The following ERGIC1 variants were observed in gnomAD, a reference collection of about 807,000 sequenced individuals.
ERGIC1 encodes the protein endoplasmic reticulum-Golgi intermediate compartment protein 1.
In ERGIC1, 19 loss-of-function variants were observed where a neutral mutation model predicts 38.3. The ratio of observed to expected loss-of-function variants is 0.50; its 90% CI spans 0.35 to 0.73. ERGIC1 has a LOEUF of 0.73. Among genes scored for constraint, ERGIC1 ranks in the 30% least tolerant of loss-of-function variants. The pLI, the probability that ERGIC1 is intolerant of heterozygous loss-of-function variation, is 0.01. For missense variants in ERGIC1, 294 were observed against 389.2 expected, an observed-to-expected ratio of 0.76 and a Z score of 2.06; for synonymous variants, 124 against 157.6, an observed-to-expected ratio of 0.79 and a Z score of 1.60.
intron 2 of ERGIC1, among the ~76,000 whole-genome samples, chr5:172,893,905 A>ATATATT: frequency 6.4e-5 from 1 of 15,544 alleles, no homozygotes; most frequent in Admixed American, 1.4e-3. Context: ...ATATATATAT[A>ATATATT]TGTGTGTGTG....
intron 1 of ERGIC1, among the ~76,000 whole-genome samples, chr5:172,838,566 C>T (rs1319189498): frequency 1.3e-5 from 2 of 152,160 alleles, no homozygotes; most frequent in Admixed American, 1.3e-4. Context: ...AAATGGGTCT[C>T]ATTGCTCTAA....
intron 1 of ERGIC1, among the ~76,000 whole-genome samples, chr5:172,838,449 C>T (rs1339846279): frequency 6.6e-6 from 1 of 152,146 alleles, no homozygotes; most frequent in Admixed American, 6.5e-5. Context: ...TTCACTCTGG[C>T]CTTCTGAGTG....
intron 1 of ERGIC1, among the ~76,000 whole-genome samples, chr5:172,888,326 G>T (rs896639310): frequency 1.4e-4 from 21 of 152,150 alleles, no homozygotes; most frequent in Non-Finnish European, 8.8e-5. Context: ...CAGGCATGGT[G>T]GCACATGCCC....
chr5:172,951,870 T>C lies in ERGIC1; in HGVS notation c.*1054T>C, dbSNP rs1287809294. The C allele has an allele frequency of 6.6e-6, 1 of 152,348 alleles. No individual in the cohort carries two copies. The highest frequency in any genetic ancestry group is 1.5e-5 in the Non-Finnish European group (1 of 68,132). 9.4% of individuals were successfully genotyped at this position (152,348 alleles called of 1,614,324 possible). A position where few individuals can be genotyped will look rare whatever the true frequency, so the allele number is the denominator to read the frequency against. On this transcript the variant is annotated 3_prime_UTR_variant, in exon 10 of 10. Transcript: ENST00000393784. ...CCTGTCCTGTCCGTGGACCTCTACC[T>C]TCTGGACTCCCTACGGGTGCAGAGC...
chr5:172,884,003 G>A (rs1220447475), intron 1 of ERGIC1, among the ~76,000 whole-genome samples: 1 of 152,062 alleles, frequency 6.6e-6, no homozygotes, highest in East Asian at 1.9e-4. Flanking sequence ...AAAAGACGAT[G>A]TCTGCCAAAT....
intron 1 of ERGIC1, among the ~76,000 whole-genome samples, chr5:172,885,930 T>TA (rs1762406979): frequency 6.6e-6 from 1 of 152,166 alleles, no homozygotes; most frequent in Admixed American, 6.5e-5. Flanking sequence ...AACTTCCATG[T>TA]AAAATTCCAC....
intron 2 of ERGIC1, among the ~76,000 whole-genome samples, chr5:172,891,600 A>C (rs537713377): frequency 2.5e-4 from 38 of 151,880 alleles, no homozygotes; most frequent in African/African-American, 9.2e-4. Context: ...CCACCATGCC[A>C]AGCTAATTTT....
intron 9 of ERGIC1, among the ~76,000 whole-genome samples, chr5:172,944,085 TG>T (rs963321806): frequency 4.0e-4 from 61 of 152,340 alleles, no homozygotes; most frequent in African/African-American, 1.4e-3. Flanking sequence ...CTTCCTGCAC[TG>T]CCCTCAGACT....
At position 172,926,617 on chromosome 5, in the gene ERGIC1, C is replaced by G; in HGVS notation, c.541+48C>G. The G allele has an allele frequency of 6.2e-7, 1 of 1,601,778 alleles. No homozygotes were observed. The highest frequency in any genetic ancestry group is 8.5e-7 in the Non-Finnish European group (1 of 1,175,248). On this transcript the variant is annotated intron_variant, in intron 7 of 9. Coordinates refer to ENST00000393784, the MANE Select transcript of ERGIC1 (RefSeq NM_001031711.3). The surrounding 1 kb of genome is among the most constrained non-coding windows in gnomAD (Gnocchi z 5.2). ...GCCTTCTGCTCCAAGATGCCCAGTA[C>G]AGCAGGCAGGGAGGGGGAGGGCAGA...
intron 1 of ERGIC1, among the ~76,000 whole-genome samples, chr5:172,856,170 C>T (rs183086412): frequency 2.9e-4 from 44 of 152,232 alleles, no homozygotes; most frequent in Non-Finnish European, 1.2e-4. Flanking sequence ...GTGGGCAGCA[C>T]GTCATTCCTG....
At chr5:172,851,542 T>A (rs1367232185) in intron 1 of ERGIC1, among the ~76,000 whole-genome samples, 2 of 152,148 alleles carry the variant, frequency 1.3e-5, no homozygotes, top group Non-Finnish European at 1.5e-5. Flanking sequence ...TTCCAATGCA[T>A]CTGGAAAAAT....
At chr5:172,901,232 TG>T (rs1177655904) in intron 3 of ERGIC1, among the ~76,000 whole-genome samples, 7 of 152,202 alleles carry the variant, frequency 4.6e-5, no homozygotes, top group African/African-American at 1.7e-4. Context: ...TATTCTGGCC[TG>T]GGCCTGGTGG....
intron 1 of ERGIC1, among the ~76,000 whole-genome samples, chr5:172,861,545 G>GT (rs890904645): frequency 6.6e-6 from 1 of 152,214 alleles, no homozygotes; most frequent in African/African-American, 2.4e-5. Flanking sequence ...ATGAACCTCA[G>GT]TTGCCTTATT....
At chr5:172,919,297 C>G (rs369394609) in intron 5 of ERGIC1, among the ~76,000 whole-genome samples, 3 of 152,194 alleles carry the variant, frequency 2.0e-5, no homozygotes, top group Non-Finnish European at 4.4e-5. Flanking sequence ...CAGACGTACA[C>G]GCACACCTCC....
At chr5:172,925,358 G>A (rs1045148054) in intron 6 of ERGIC1, among the ~76,000 whole-genome samples, 2 of 152,218 alleles carry the variant, frequency 1.3e-5, no homozygotes, top group African/African-American at 4.8e-5. Context: ...GTTCTCATGG[G>A]TTAGAAATGA....
intron 9 of ERGIC1, among the ~76,000 whole-genome samples, chr5:172,943,547 G>C (rs1371559449): frequency 6.6e-6 from 1 of 152,152 alleles, no homozygotes; most frequent in Non-Finnish European, 1.5e-5. Flanking sequence ...CTGACTGAAC[G>C]GGGAAAGTGA....
At chr5:172,859,910 A>G (rs886332909) in intron 1 of ERGIC1, among the ~76,000 whole-genome samples, 1 of 151,984 alleles carries the variant, frequency 6.6e-6, no homozygotes, top group Non-Finnish European at 1.5e-5. Context: ...GCTCTGTTCT[A>G]TTTTTCCAAC....
At chr5:172,865,101 C>A (rs1761820988) in intron 1 of ERGIC1, among the ~76,000 whole-genome samples, 1 of 132,766 alleles carries the variant, frequency 7.5e-6, no homozygotes, top group Non-Finnish European at 1.5e-5. Flanking sequence ...GTCACCCAGG[C>A]TGGAGTGCAA....
At chr5:172,866,254 G>A (rs951673273) in intron 1 of ERGIC1, among the ~76,000 whole-genome samples, 1 of 152,220 alleles carries the variant, frequency 6.6e-6, no homozygotes, top group African/African-American at 2.4e-5. Context: ...GCAGAGTGGG[G>A]AGAGAAGCGG....
Sources: allele counts gnomAD v4.1 joint callset (sites outside exome capture counted in the v4.1 genomes callset), GRCh38; gene constraint gnomAD v4.1.1; non-coding constraint Gnocchi (gnomAD v3.1); transcripts MANE v1.5; gene names NCBI Gene and HGNC (gene_info 2026-07-23, HGNC 2026-07-21).